The following RPL37 variants were observed in gnomAD, a reference collection of about 807,000 sequenced individuals.
The protein encoded by RPL37 is large ribosomal subunit protein eL37.
In RPL37, 1 loss-of-function variant was observed where a neutral mutation model predicts 14.8. The ratio of observed to expected loss-of-function variants is 0.07; its 90% CI spans 0.02 to 0.32. The LOEUF is 0.32. RPL37 is among the 10% of genes least tolerant of loss of function. The pLI is 1.00. For synonymous variants in RPL37, 53 were observed against 45.8 expected (o/e 1.16, Z -0.63); for missense variants, 100 against 128.3 (o/e 0.78, Z 1.06).
chr5:40,832,609 G>C (rs1745666870), intron 3 of RPL37, 36 bp from the exon 4 acceptor site: 3 of 1,519,966 alleles, frequency 2.0e-6, no homozygotes, highest in East Asian at 4.5e-5. Flanking sequence ...AGTTACTTCA[G>C]CAACATCGAT....
chr5:40,834,625 A>T lies in RPL37; in HGVS notation c.4-19T>A, dbSNP rs779989763. ...CCTTCGTCTGCACATTAAAGGAATA[A>T]ATAGTTCTGAAACCTGGCAACTTCT... is the stretch of plus-strand genomic sequence containing the variant. On this transcript the variant is annotated intron_variant, in intron 1 of 3. Transcript: ENST00000274242. 6.3e-7 allele frequency: 1 copy of T among 1,589,734 alleles called. No individual in the cohort carries two copies. The highest frequency in any genetic ancestry group is 1.4e-5 in the African/African-American group (1 of 73,446).
chr5:40,835,009 C>G, intron 1 of RPL37, 174 bp downstream of exon 1: 1 of 817,206 alleles, frequency 1.2e-6, no homozygotes, highest in Non-Finnish European at 2.0e-6. Context: ...GGGATAGGTC[C>G]CCCAGGCACC....
Position 40,826,239 on chromosome 5 carries a change from T to C in RPL37, c.*6265A>G, listed in dbSNP as rs547995276. ...GCAGAGCTACATAAATATAACCTTA[T>C]TAGAATGGGATTTTTCCTACTTTGG... On this transcript the variant is annotated 3_prime_UTR_variant, in exon 4 of 4. Coordinates refer to ENST00000274242, the MANE Select transcript of RPL37 (RefSeq NM_000997.5). 1.4e-4 allele frequency: 21 copies of C among 152,318 alleles called. No homozygotes were observed. Among genetic ancestry groups the C allele is most frequent in the African/African-American group, 4.8e-4 (20 of 41,576 alleles). The allele number at this position is 152,318 out of a possible 1,614,324, so 9.4% of individuals were successfully genotyped here.
Position 40,832,037 on chromosome 5 carries a change from C to T in RPL37, c.*467G>A, listed in dbSNP as rs190642795. On this transcript the variant is annotated 3_prime_UTR_variant, in exon 4 of 4. Transcript: ENST00000274242. ...TAGGATAAGATCATCTTTTGAAAAA[C>T]AGAAGCCACCTAAACTCCTACCCAT... 1.4e-3 allele frequency: 232 copies of T among 166,586 alleles called. No homozygotes were observed. Among genetic ancestry groups the T allele is most frequent in the African/African-American group, 5.4e-3 (225 of 41,968 alleles). The allele number at this position is 166,586 out of a possible 1,614,324, so 10.3% of individuals were successfully genotyped here. A position where few individuals can be genotyped will look rare whatever the true frequency, so the allele number is the denominator to read the frequency against.
At chr5:40,832,737 A>C (rs2112156606) in intron 3 of RPL37, 164 bp from the exon 4 acceptor site, 1 of 753,530 alleles carries the variant, frequency 1.3e-6, no homozygotes, top group South Asian at 1.4e-5. Flanking sequence ...TGATAAGCTG[A>C]AATTCTTCAC....
chr5:40,833,634 T>C (rs1486046724), intron 3 of RPL37, among the ~76,000 whole-genome samples: 2 of 152,208 alleles, frequency 1.3e-5, no homozygotes, highest in Non-Finnish European at 2.9e-5. Context: ...CTCCAGACCT[T>C]ATTCACTACT....
At chr5:40,832,754 T>G (rs1378951477) in intron 3 of RPL37, 181 bp from the exon 4 acceptor site, 1 of 732,526 alleles carries the variant, frequency 1.4e-6, no homozygotes, top group Admixed American at 1.8e-5. Context: ...TCACTTTGCT[T>G]AAAGATACCC....
At position 40,832,412 on chromosome 5, in the gene RPL37, T is replaced by C; in HGVS notation, c.*92A>G. The C allele has an allele frequency of 9.2e-7, 1 of 1,081,158 alleles. No homozygotes were observed. Among genetic ancestry groups the C allele is most frequent in the South Asian group, 1.3e-5 (1 of 79,930 alleles). 67.0% of individuals were successfully genotyped at this position (1,081,158 alleles called of 1,614,324 possible). ...TAAACCTACAGTATTTCACTGATAC[T>C]ACAAGCCTAATTGATTAAAAATACC... On this transcript the variant is annotated 3_prime_UTR_variant, in exon 4 of 4. Transcript: ENST00000274242.
At position 40,828,857 on chromosome 5, in the gene RPL37, G is replaced by C. The variant is rs1745573925; in HGVS notation, c.*3647C>G. 6.6e-6 allele frequency: 1 copy of C among 152,086 alleles called. No individual in the cohort carries two copies. Among genetic ancestry groups the C allele is most frequent in the South Asian group, 2.1e-4 (1 of 4,820 alleles). 9.4% of individuals were successfully genotyped at this position (152,086 alleles called of 1,614,324 possible). On this transcript the variant is annotated 3_prime_UTR_variant, in exon 4 of 4. Transcript: ENST00000274242. ...CTCTAACATGGCTTGGCACACAGTA[G>C]GTGCACCATACATAAATATGTCAAC...
At chr5:40,833,897 T>C (rs1459267879) in intron 3 of RPL37, 11 of 358,282 alleles carry the variant, frequency 3.1e-5, no homozygotes, top group Non-Finnish European at 5.6e-5. Context: ...ATACAAAAAT[T>C]AGCTGGGCAT....
At chr5:40,834,669 C>A (rs145378581) in intron 1 of RPL37, 63 bp from the exon 2 acceptor site, 15 of 1,517,096 alleles carry the variant, frequency 9.9e-6, no homozygotes, top group African/African-American at 1.4e-5. Flanking sequence ...TCGAGTTCTC[C>A]GGGAAACCAA....
rs767777718 is a variant in RPL37, at chr5:40,834,560, G to T, written c.50C>A (p.Thr17Lys). 11 of 1,613,974 alleles carry T rather than the reference G, an allele frequency of 6.8e-6. No individual in the cohort carries two copies. In the South Asian group the frequency reaches 1.2e-4, roughly 18 times the overall value. ...CTTAGAGCCACAGCGGCGGCACAACGTGTGCGTCTTATTGCGACGCTTTCC... is the reference window on the plus strand; with the variant it reads ...CTTAGAGCCACAGCGGCGGCACAACTTGTGCGTCTTATTGCGACGCTTTCC... ...SFGKRRNKTH[T>K]LCRRCGSKAY... The change falls in exon 2 of 4, where the codon ACG becomes AAG. Residue 17 changes from threonine to lysine, a missense_variant. Around this residue, in one of 2 missense-constraint regions of RPL37, gnomAD observed 26 missense variants for 58.3 expected, o/e 0.45. Transcript: ENST00000274242.
Position 40,827,971 on chromosome 5 carries a change from A to C in RPL37, c.*4533T>G, listed in dbSNP as rs894383648. On this transcript the variant is annotated 3_prime_UTR_variant, in exon 4 of 4. Transcript: ENST00000274242. ...AAACTCCTTTGTTTAAAAAAAAATA[A>C]AACACCTAAATATAATCCAAATGTG... The C allele has an allele frequency of 6.6e-6, 1 of 152,216 alleles. No homozygotes were observed. Among genetic ancestry groups the C allele is most frequent in the African/African-American group, 2.4e-5 (1 of 41,452 alleles). The allele number at this position is 152,216 out of a possible 1,614,324, so 9.4% of individuals were successfully genotyped here.
rs1220126399 is a variant in RPL37 at position 40,828,014 on chromosome 5, G to A, written c.*4490C>T. Reference sequence around the variant, plus strand: ...CAAATGTGCTAATAAATGTGAAACAGCCTCTTTCTCTGAAACAAGTTCTTC... The same window carrying A: ...CAAATGTGCTAATAAATGTGAAACAACCTCTTTCTCTGAAACAAGTTCTTC... On this transcript the variant is annotated 3_prime_UTR_variant, in exon 4 of 4. Transcript: ENST00000274242. The A allele has an allele frequency of 6.6e-6, 1 of 152,116 alleles. No homozygotes were observed. Among genetic ancestry groups the A allele is most frequent in the Non-Finnish European group, 1.5e-5 (1 of 68,014 alleles). The allele number at this position is 152,116 out of a possible 1,614,324, so 9.4% of individuals were successfully genotyped here.
rs1745583837 is a variant in RPL37 at position 40,829,172 on chromosome 5, GTT to G, written c.*3330_*3331del. 1 of 152,130 alleles carries G rather than the reference GTT, an allele frequency of 6.6e-6. No individual in the cohort carries two copies. Among genetic ancestry groups the G allele is most frequent in the Admixed American group, 6.6e-5 (1 of 15,252 alleles). The allele number at this position is 152,130 out of a possible 1,614,324, so 9.4% of individuals were successfully genotyped here. A position where few individuals can be genotyped will look rare whatever the true frequency, so the allele number is the denominator to read the frequency against. ...TCACTTGCACATTCAAGTTTTAGATGTTTTCTGTAGAGAACTCCCGGACAGCC... is the reference window on the plus strand; with the variant it reads ...TCACTTGCACATTCAAGTTTTAGATGTTCTGTAGAGAACTCCCGGACAGCC... On this transcript the variant is annotated 3_prime_UTR_variant, in exon 4 of 4. Coordinates refer to ENST00000274242, the MANE Select transcript of RPL37 (RefSeq NM_000997.5).
chr5:40,831,369 A>T lies in RPL37; in HGVS notation c.*1135T>A, dbSNP rs568681612. On this transcript the variant is annotated 3_prime_UTR_variant, in exon 4 of 4. Coordinates refer to ENST00000274242, the MANE Select transcript of RPL37 (RefSeq NM_000997.5). ...GAGATTTAATCAGCAGGGTTTCTTT[A>T]TAAGTGAATGTTCTGAAGCTGAGAC... The T allele has an allele frequency of 6.6e-6, 1 of 152,386 alleles. No individual in the cohort carries two copies. Among genetic ancestry groups the T allele is most frequent in the Non-Finnish European group, 1.5e-5 (1 of 68,050 alleles). The allele number at this position is 152,386 out of a possible 1,614,324, so 9.4% of individuals were successfully genotyped here.
chr5:40,833,698 C>T (rs2112157714), intron 3 of RPL37, among the ~76,000 whole-genome samples: 1 of 150,548 alleles, frequency 6.6e-6, no homozygotes, highest in African/African-American at 2.5e-5. Flanking sequence ...CACTTTGGGA[C>T]CCTAGTTCAA....
rs528072406 is a variant in RPL37 at position 40,825,597 on chromosome 5, T to C, written c.*6907A>G. 1 of 152,416 alleles carries C rather than the reference T, an allele frequency of 6.6e-6. No homozygotes were observed. The highest frequency in any genetic ancestry group is 2.4e-5 in the African/African-American group (1 of 41,572). The allele number at this position is 152,416 out of a possible 1,614,324, so 9.4% of individuals were successfully genotyped here. On this transcript the variant is annotated 3_prime_UTR_variant, in exon 4 of 4. Coordinates refer to ENST00000274242, the MANE Select transcript of RPL37 (RefSeq NM_000997.5). Reference sequence around the variant, plus strand: ...GTGACGCAGGGACCATAGTTTCTGCTCTAATAACACCTTTTCCACTCTGAC... The same window carrying C: ...GTGACGCAGGGACCATAGTTTCTGCCCTAATAACACCTTTTCCACTCTGAC...
Position 40,826,077 on chromosome 5 carries a change from CA to C in RPL37, c.*6426del, listed in dbSNP as rs956303267. ...TGGCCTTTCTCCTGTACTGTTTTAC[CA>C]GTTGTCTTTTTAAAAAATAACTTTC... On this transcript the variant is annotated 3_prime_UTR_variant, in exon 4 of 4. Coordinates refer to ENST00000274242, the MANE Select transcript of RPL37 (RefSeq NM_000997.5). The C allele has an allele frequency of 5.3e-5, 8 of 152,162 alleles. No homozygotes were observed. The highest frequency in any genetic ancestry group is 1.0e-4 in the Non-Finnish European group (7 of 68,040). The allele number at this position is 152,162 out of a possible 1,614,324, so 9.4% of individuals were successfully genotyped here. A position where few individuals can be genotyped will look rare whatever the true frequency, so the allele number is the denominator to read the frequency against.
Sources: allele counts gnomAD v4.1 joint callset (sites outside exome capture counted in the v4.1 genomes callset), GRCh38; gene constraint gnomAD v4.1.1; regional missense constraint gnomAD v4.1.1; transcripts MANE v1.5; gene names NCBI Gene and HGNC (gene_info 2026-07-23, HGNC 2026-07-21).